CTNNA3: variants seen among roughly 807,000 people sequenced by gnomAD.
CTNNA3 encodes catenin alpha-3.
In CTNNA3, 76 loss-of-function variants were observed where a neutral mutation model predicts 95.7. That is an observed-to-expected ratio of 0.79 (90% CI 0.66 to 0.96). CTNNA3 has a LOEUF of 0.96. CTNNA3 is among the 40% of genes least tolerant of loss of function. CTNNA3 has a pLI of 0.00. For synonymous variants in CTNNA3, 431 were observed against 374.4 expected (o/e 1.15, Z -1.74); for missense variants, 1,191 against 1,089.8 (o/e 1.09, Z -1.31).
At chr10:66,754,915 A>C (rs1839305289) in intron 9 of CTNNA3, among the ~76,000 whole-genome samples, 1 of 152,194 alleles carries the variant, frequency 6.6e-6, no homozygotes, top group Non-Finnish European at 1.5e-5. Context: ...CTAACTGTTA[A>C]ACATAGAGTT....
intron 7 of CTNNA3, among the ~76,000 whole-genome samples, chr10:66,836,330 C>T (rs894876904): frequency 4.6e-5 from 7 of 152,132 alleles, no homozygotes; most frequent in African/African-American, 7.2e-5. Flanking sequence ...CTGAGTCAAA[C>T]AGATGCCCCA....
intron 9 of CTNNA3, among the ~76,000 whole-genome samples, chr10:66,625,755 CT>C (rs1844913168): frequency 6.6e-6 from 1 of 152,094 alleles, no homozygotes; most frequent in Admixed American, 6.5e-5. Context: ...GACTTTGAGT[CT>C]TTTCTTTCAC....
intron 1 of CTNNA3, among the ~76,000 whole-genome samples, chr10:67,693,943 T>C (rs2133594289): frequency 6.6e-6 from 1 of 152,364 alleles, no homozygotes; most frequent in African/African-American, 2.4e-5. Context: ...TCCTCTAGCA[T>C]GTGCCCTCTA....
At chr10:66,294,907 AGAGAGAG>A (rs2091751116) in intron 12 of CTNNA3, among the ~76,000 whole-genome samples, 1 of 149,264 alleles carries the variant, frequency 6.7e-6, no homozygotes. Context: ...AGAGAGAGAG[AGAGAGAG>A]GGATTTGGTA....
chr10:66,608,130 A>G (rs1763943540), intron 10 of CTNNA3, among the ~76,000 whole-genome samples: 3 of 152,194 alleles, frequency 2.0e-5, no homozygotes, highest in African/African-American at 7.2e-5. Context: ...TACACAAATC[A>G]CTACCATTCC....
At chr10:66,093,047 C>A (rs1441478053) in intron 14 of CTNNA3, among the ~76,000 whole-genome samples, 1 of 151,974 alleles carries the variant, frequency 6.6e-6, no homozygotes, top group African/African-American at 2.4e-5. Context: ...TTTAATGAAG[C>A]TCCACTGTCT....
intron 9 of CTNNA3, among the ~76,000 whole-genome samples, chr10:66,646,228 G>GA (rs1414946010): frequency 6.6e-6 from 1 of 152,014 alleles, no homozygotes; most frequent in East Asian, 1.9e-4. Flanking sequence ...AATACAATAT[G>GA]AAAAAAATTG....
intron 7 of CTNNA3, among the ~76,000 whole-genome samples, chr10:67,136,869 C>T (rs1018998117): frequency 6.6e-6 from 1 of 152,096 alleles, no homozygotes; most frequent in African/African-American, 2.4e-5. Context: ...ACCAAAATTA[C>T]AGGGACAACA....
rs190559682 is a variant in CTNNA3, at chr10:67,702,873, C to T, written c.-1-55359G>A. Among the ~76,000 whole-genome samples, 220 of 151,870 alleles carry T rather than the reference C, an allele frequency of 1.4e-3. 2 individuals carry two copies. The highest frequency in any genetic ancestry group is 4.5e-3 in the Admixed American group (69 of 15,228). On this transcript the variant is annotated intron_variant, in intron 1 of 17. Transcript: ENST00000684154. ...GAAAAGATCAACAAAACTGATAGACCGCTAGCAAGACTAAGAAAGAAGAAA... is the reference window on the plus strand; with the variant it reads ...GAAAAGATCAACAAAACTGATAGACTGCTAGCAAGACTAAGAAAGAAGAAA...
chr10:66,780,059 C>G (rs1372619043), intron 7 of CTNNA3, among the ~76,000 whole-genome samples: 1 of 151,994 alleles, frequency 6.6e-6, no homozygotes, highest in Non-Finnish European at 1.5e-5. Flanking sequence ...AGAGAAAAAG[C>G]TTATCAGGGA....
chr10:67,729,317 TGAAA>T lies in CTNNA3; in HGVS notation c.-2+34113_-2+34116del, dbSNP rs570647696. Among the ~76,000 whole-genome samples the T allele has an allele frequency of 5.7e-4, 87 of 152,196 alleles. 2 individuals are homozygous for T. The highest frequency in any genetic ancestry group is 1.9e-3 in the African/African-American group (81 of 41,558). On this transcript the variant is annotated intron_variant, in intron 1 of 17. Coordinates refer to the CTNNA3 transcript ENST00000684154. ...GACAAATGGCAGCATAATCAGCTGC[TGAAA>T]GAAAGAAACATTTATAGATCTATTA...
At chr10:66,884,497 T>C (rs1197514998) in intron 7 of CTNNA3, among the ~76,000 whole-genome samples, 1 of 152,104 alleles carries the variant, frequency 6.6e-6, no homozygotes, top group Non-Finnish European at 1.5e-5. Context: ...GAGACCCATG[T>C]GACAAAGGAC....
chr10:67,449,738 C>T (rs1370496711), intron 5 of CTNNA3, among the ~76,000 whole-genome samples: 1 of 152,100 alleles, frequency 6.6e-6, no homozygotes, highest in Non-Finnish European at 1.5e-5. Context: ...CCATTCTGAA[C>T]ATAAGAACAA....
chr10:66,382,489 C>G (rs1225454022), intron 11 of CTNNA3, among the ~76,000 whole-genome samples: 7 of 151,870 alleles, frequency 4.6e-5, no homozygotes, highest in Admixed American at 2.6e-4. Context: ...GACTCCATCT[C>G]TTGGGCAGGG....
intron 17 of CTNNA3, among the ~76,000 whole-genome samples, chr10:65,949,350 T>TA (rs2077573487): frequency 6.6e-6 from 1 of 152,234 alleles, no homozygotes; most frequent in African/African-American, 2.4e-5. Context: ...ATCATAAGTT[T>TA]ACTTGTAGCA....
intron 7 of CTNNA3, among the ~76,000 whole-genome samples, chr10:67,149,541 C>T (rs534247205): frequency 6.6e-6 from 1 of 152,044 alleles, no homozygotes; most frequent in African/African-American, 2.4e-5. Flanking sequence ...GCCGAGATTG[C>T]GCCACTGCAC....
intron 3 of CTNNA3, among the ~76,000 whole-genome samples, chr10:67,557,834 T>C (rs930520071): frequency 6.6e-6 from 1 of 152,172 alleles, no homozygotes; most frequent in African/African-American, 2.4e-5. Flanking sequence ...GAAACCCCAC[T>C]ACTACCACCA....
intron 17 of CTNNA3, among the ~76,000 whole-genome samples, chr10:65,927,401 TACATC>T (rs1431164417): frequency 6.6e-6 from 1 of 152,212 alleles, no homozygotes; most frequent in African/African-American, 2.4e-5. Flanking sequence ...CTAGTATTGT[TACATC>T]AGTGTTCTAT....
At chr10:66,598,183 G>GA (rs1843790498) in intron 10 of CTNNA3, among the ~76,000 whole-genome samples, 1 of 151,976 alleles carries the variant, frequency 6.6e-6, no homozygotes, top group African/African-American at 2.4e-5. Context: ...AATAGATGAA[G>GA]AAAAAAGCAT....
Sources: gnomAD v4.1 joint callset for allele counts (sites outside exome capture counted in the v4.1 genomes callset) on GRCh38, gnomAD v4.1.1 for gene constraint, MANE v1.5 for transcripts, NCBI Gene and HGNC (gene_info 2026-07-23, HGNC 2026-07-21) for gene names.